The following C8orf34 variants were observed in gnomAD, a reference collection of about 807,000 sequenced individuals.
C8orf34 encodes the protein uncharacterized protein C8orf34.
Under a neutral mutation model 68.3 loss-of-function variants are expected in C8orf34, and 65 were observed. The observed-to-expected ratio is 0.95, with a 90% CI of 0.78 to 1.17. The LOEUF (loss-of-function observed/expected upper bound fraction) is 1.17, where lower values mean the gene tolerates loss of function less well. Among genes scored for constraint, C8orf34 ranks in the 50% most tolerant of loss-of-function variants. The pLI is 0.00. For synonymous variants in C8orf34, 244 were observed against 241.2 expected, an observed-to-expected ratio of 1.01 and a Z score of -0.11; for missense variants, 664 against 655.4, an observed-to-expected ratio of 1.01 and a Z score of -0.14.
At chr8:68,391,948 A>G (rs951128681) in intron 1 of C8orf34, among the ~76,000 whole-genome samples, 1 of 152,138 alleles carries the variant, frequency 6.6e-6, no homozygotes, top group Non-Finnish European at 1.5e-5. Context: ...CAGAAAGAGG[A>G]CCATTAGGAA....
chr8:68,546,871 A>G (rs555847692), intron 7 of C8orf34, among the ~76,000 whole-genome samples: 12 of 151,948 alleles, frequency 7.9e-5, no homozygotes, highest in African/African-American at 2.6e-4. Context: ...AACTTAGAAA[A>G]TAATTCAAAC....
Position 68,604,041 on chromosome 8 carries a change from AATAG to A in C8orf34, c.1106-36331_1106-36328del, listed in dbSNP as rs758657206. ...CTACAAAATTAAAGTTTGCCTTGGAAATAGATAAAGATAAAAACACCATGGAAAT... is the reference window on the plus strand; with the variant it reads ...CTACAAAATTAAAGTTTGCCTTGGAAATAAAGATAAAAACACCATGGAAAT... On this transcript the variant is annotated intron_variant, in intron 7 of 13. Coordinates refer to ENST00000518698, the MANE Select transcript of C8orf34 (RefSeq NM_052958.4). Among the ~76,000 whole-genome samples, 6 of 152,308 alleles carry A rather than the reference AATAG, an allele frequency of 3.9e-5. 1 individual carries two copies. Among genetic ancestry groups the A allele is most frequent in the Middle Eastern group, 6.8e-3 (2 of 294 alleles).
intron 3 of C8orf34, among the ~76,000 whole-genome samples, chr8:68,465,038 C>T (rs1477156942): frequency 8.7e-4 from 131 of 151,102 alleles, no homozygotes; most frequent in African/African-American, 2.8e-3. Context: ...AGAAAATTTT[C>T]GCAACCTGCT....
chr8:68,613,801 A>G (rs1818104193), intron 7 of C8orf34, among the ~76,000 whole-genome samples: 1 of 152,034 alleles, frequency 6.6e-6, no homozygotes, highest in Admixed American at 6.6e-5. Flanking sequence ...TTGGGTATAT[A>G]CCCAGTAATG....
chr8:68,621,904 T>C (rs2130639360), intron 7 of C8orf34, among the ~76,000 whole-genome samples: 1 of 152,332 alleles, frequency 6.6e-6, no homozygotes, highest in South Asian at 2.1e-4. Context: ...ACCCATTTAT[T>C]ATCCCACAGT....
intron 1 of C8orf34, among the ~76,000 whole-genome samples, chr8:68,381,328 A>G (rs1375453156): frequency 6.6e-6 from 1 of 152,224 alleles, no homozygotes; most frequent in Non-Finnish European, 1.5e-5. Context: ...CATCTCATAT[A>G]TGGCTAGTAT....
chr8:68,779,207 AC>A (rs1436147255), intron 11 of C8orf34, among the ~76,000 whole-genome samples: 2 of 151,412 alleles, frequency 1.3e-5, no homozygotes, highest in African/African-American at 4.9e-5. Flanking sequence ...ACACACACAC[AC>A]ACACACACAC....
At chr8:68,502,751 C>T (rs1813835510) in intron 5 of C8orf34, among the ~76,000 whole-genome samples, 1 of 152,074 alleles carries the variant, frequency 6.6e-6, no homozygotes, top group Non-Finnish European at 1.5e-5. Context: ...AGACAATTAC[C>T]ATTTGGCAAT....
chr8:68,502,335 C>T (rs918543654), intron 5 of C8orf34, among the ~76,000 whole-genome samples: 4 of 151,848 alleles, frequency 2.6e-5, no homozygotes, highest in African/African-American at 7.3e-5. Flanking sequence ...AAGGAATATA[C>T]AAAAAGTGCC....
At chr8:68,665,668 T>A (rs1013679088) in intron 8 of C8orf34, among the ~76,000 whole-genome samples, 1 of 152,224 alleles carries the variant, frequency 6.6e-6, no homozygotes, top group Non-Finnish European at 1.5e-5. Context: ...CATCACTTGC[T>A]GTTTCTCCTG....
Position 68,697,179 on chromosome 8 carries a change from G to C in C8orf34, c.1242-11815G>C, listed in dbSNP as rs536474905. 5.3e-5 allele frequency among the ~76,000 whole-genome samples: 8 copies of C among 151,534 alleles called. No homozygotes were observed. The East Asian group carries it at 1.6e-3, about 30-fold the overall frequency. On this transcript the variant is annotated intron_variant, in intron 8 of 13. Transcript: ENST00000518698. ...ATTTTGTAAATTGCTAGTCATTTTT[G>C]GTACTTTAATATTTCTTGATATTTC...
At chr8:68,515,065 G>A (rs1449689897) in intron 5 of C8orf34, among the ~76,000 whole-genome samples, 1 of 152,142 alleles carries the variant, frequency 6.6e-6, no homozygotes, top group Non-Finnish European at 1.5e-5. Flanking sequence ...ATGATAAAAA[G>A]TAGTTTATTT....
chr8:68,337,593 G>T (rs1203413801), intron 1 of C8orf34, among the ~76,000 whole-genome samples: 1 of 152,112 alleles, frequency 6.6e-6, no homozygotes, highest in Non-Finnish European at 1.5e-5. Context: ...GGAATTGTTT[G>T]TATTGTTCCT....
rs577039042 is a variant in C8orf34 at position 68,419,510 on chromosome 8, T to C, written c.328-19989T>C. On this transcript the variant is annotated intron_variant, in intron 1 of 13. Transcript: ENST00000518698. ...CCCAAAGGACTATAAATCATGCTGC[T>C]ATAAAGACACTTGCACACATATGTT... Among the ~76,000 whole-genome samples the C allele has an allele frequency of 9.8e-4, 149 of 152,040 alleles. No individual in the cohort carries two copies. In the Middle Eastern group the frequency reaches 0.017, roughly 17 times the overall value.
At chr8:68,403,177 C>A (rs7812306) in intron 1 of C8orf34, among the ~76,000 whole-genome samples, 4,155 of 152,240 alleles carry the variant, frequency 0.027, 74 homozygotes, top group Middle Eastern at 0.041. Context: ...CCATAATGTA[C>A]ACTTATGCCC....
intron 1 of C8orf34, among the ~76,000 whole-genome samples, chr8:68,409,325 T>C (rs1203677608): frequency 6.6e-6 from 1 of 152,180 alleles, no homozygotes; most frequent in African/African-American, 2.4e-5. Context: ...CCCATGTATG[T>C]TATTGCCCCT....
At chr8:68,437,829 A>AT (rs1281236047) in intron 1 of C8orf34, 1 of 152,134 alleles carries the variant, frequency 6.6e-6, no homozygotes, top group Non-Finnish European at 1.5e-5. Context: ...CCATCAACGC[A>AT]TTTTTTAAAT....
At chr8:68,766,769 AGTTG>A in intron 10 of C8orf34, among the ~76,000 whole-genome samples, 1 of 152,350 alleles carries the variant, frequency 6.6e-6, no homozygotes, top group Admixed American at 6.5e-5. Context: ...TATTAGAAAT[AGTTG>A]TCTGTTTATA....
rs143978167 is a variant in C8orf34 at position 68,641,207 on chromosome 8, A to G, written c.1241+696A>G. Among the ~76,000 whole-genome samples, 455 of 152,308 alleles carry G rather than the reference A, an allele frequency of 3.0e-3. 1 individual carries two copies. The highest frequency in any genetic ancestry group is 5.3e-3 in the Non-Finnish European group (360 of 68,012). Reference sequence around the variant, plus strand: ...GCAAGAACAATGTACTGGCTGGCCAATTTTATCTCCTTTTCTTTATGTCTA... The same window carrying G: ...GCAAGAACAATGTACTGGCTGGCCAGTTTTATCTCCTTTTCTTTATGTCTA... On this transcript the variant is annotated intron_variant, in intron 8 of 13. Coordinates refer to ENST00000518698, the MANE Select transcript of C8orf34 (RefSeq NM_052958.4).
Sources: allele counts gnomAD v4.1 joint callset (sites outside exome capture counted in the v4.1 genomes callset), GRCh38; gene constraint gnomAD v4.1.1; transcripts MANE v1.5; gene names NCBI Gene and HGNC (gene_info 2026-07-23, HGNC 2026-07-21).